The following PTCHD4 variants were observed in gnomAD, a reference collection of about 807,000 sequenced individuals.
PTCHD4 encodes the protein patched domain containing 4.
PTCHD4 carries 33 observed loss-of-function variants against 58.1 expected under a neutral mutation model. The observed-to-expected ratio is 0.57, with a 90% CI of 0.43 to 0.76. PTCHD4 has a LOEUF of 0.76. Ranked by LOEUF, PTCHD4 falls within the 30% of genes least tolerant of loss-of-function variation. The pLI, the probability that PTCHD4 is intolerant of heterozygous loss-of-function variation, is 0.00. For missense variants in PTCHD4, 1,058 were observed against 1,027.1 expected, an observed-to-expected ratio of 1.03 and a Z score of -0.41; for synonymous variants, 478 against 409.6, an observed-to-expected ratio of 1.17 and a Z score of -2.02.
intron 1 of PTCHD4, among the ~76,000 whole-genome samples, chr6:48,100,082 A>G (rs926518586): frequency 6.6e-6 from 1 of 152,210 alleles, no homozygotes; most frequent in Non-Finnish European, 1.5e-5. Context: ...ATCTCATAAA[A>G]TTGAAAACAA....
intron 4 of PTCHD4, among the ~76,000 whole-genome samples, chr6:47,932,890 T>C (rs1351391227): frequency 6.6e-6 from 1 of 152,250 alleles, no homozygotes; most frequent in Admixed American, 6.5e-5. Flanking sequence ...AGTTTTATTA[T>C]GAGGCTAAAT....
In PTCHD4 at chr6:47,860,273, A is replaced by T. The variant is rs370869710; in HGVS notation, c.*18030T>A. Among the ~76,000 whole-genome samples the T allele has an allele frequency of 1.3e-5, 2 of 152,054 alleles. No homozygotes were observed. The highest frequency in any genetic ancestry group is 4.1e-4 in the South Asian group (2 of 4,826). ...ACACATCATACTTTTTCTTCATCCC[A>T]TATAGCACATGATGTTAAACTCAAG... On this transcript the variant is annotated 3_prime_UTR_variant, in exon 5 of 5. Transcript: ENST00000339488.
chr6:47,973,281 A>C (rs1767581352), intron 4 of PTCHD4, among the ~76,000 whole-genome samples: 1 of 152,216 alleles, frequency 6.6e-6, no homozygotes, highest in Non-Finnish European at 1.5e-5. Flanking sequence ...GAAATGCCAA[A>C]ATTTGGTTCA....
At chr6:47,987,966 G>T (rs998436095) in intron 4 of PTCHD4, among the ~76,000 whole-genome samples, 45 of 151,850 alleles carry the variant, frequency 3.0e-4, no homozygotes, top group African/African-American at 1.0e-3. Context: ...TAGTAGAGAT[G>T]GGTTTTCACC....
At chr6:48,095,244 A>C (rs1765440599) in intron 1 of PTCHD4, among the ~76,000 whole-genome samples, 2 of 152,234 alleles carry the variant, frequency 1.3e-5, no homozygotes, top group Non-Finnish European at 2.9e-5. Context: ...AATATGTATA[A>C]ATGAAAATCC....
chr6:48,012,247 C>T lies in PTCHD4; in HGVS notation c.418-3133G>A, dbSNP rs142647631. Among the ~76,000 whole-genome samples, 1,237 of 152,056 alleles carry T rather than the reference C, an allele frequency of 8.1e-3. 25 individuals carry two copies. The highest frequency in any genetic ancestry group is 0.028 in the African/African-American group (1,179 of 41,496). On this transcript the variant is annotated intron_variant, in intron 3 of 4. Coordinates refer to ENST00000339488, the MANE Select transcript of PTCHD4 (RefSeq NM_001384253.1). ...TTGTTTGTGTCCTCTCTTATTTCCTCGAGTGGTGGTTTGTAGTTCTCCTTG... is the reference window on the plus strand; with the variant it reads ...TTGTTTGTGTCCTCTCTTATTTCCTTGAGTGGTGGTTTGTAGTTCTCCTTG...
intron 3 of PTCHD4, among the ~76,000 whole-genome samples, chr6:48,013,435 C>A (rs1230418484): frequency 1.4e-5 from 2 of 141,620 alleles, no homozygotes; most frequent in African/African-American, 2.6e-5. Flanking sequence ...ATTTTCCCAT[C>A]TTTTTCCTTT....
intron 1 of PTCHD4, among the ~76,000 whole-genome samples, chr6:48,076,304 A>C (rs761376694): frequency 3.9e-5 from 6 of 152,222 alleles, no homozygotes; most frequent in Non-Finnish European, 7.3e-5. Flanking sequence ...TGAAGTCTTA[A>C]ATTCCTCAAA....
At chr6:47,969,168 A>T (rs939705711) in intron 4 of PTCHD4, among the ~76,000 whole-genome samples, 7 of 152,214 alleles carry the variant, frequency 4.6e-5, no homozygotes, top group Admixed American at 6.5e-5. Context: ...CAAAATTTTT[A>T]AAAAATGGAG....
chr6:47,995,516 C>T (rs756678884), intron 4 of PTCHD4, among the ~76,000 whole-genome samples: 1 of 152,170 alleles, frequency 6.6e-6, no homozygotes, highest in Non-Finnish European at 1.5e-5. Context: ...GAGATTCTCA[C>T]TCACTTATTT....
At chr6:47,904,497 A>C (rs1186156034) in intron 4 of PTCHD4, among the ~76,000 whole-genome samples, 1 of 152,216 alleles carries the variant, frequency 6.6e-6, no homozygotes, top group Non-Finnish European at 1.5e-5. Flanking sequence ...AGTGGAAAAT[A>C]TTTAGTATCT....
intron 4 of PTCHD4, among the ~76,000 whole-genome samples, chr6:47,896,618 GT>G (rs1252748829): frequency 2.0e-5 from 3 of 152,158 alleles, no homozygotes; most frequent in African/African-American, 4.8e-5. Context: ...AAGCACAGTA[GT>G]TTTTTATTTC....
intron 1 of PTCHD4, among the ~76,000 whole-genome samples, chr6:48,081,910 A>G (rs922646732): frequency 6.6e-6 from 1 of 152,212 alleles, no homozygotes; most frequent in Non-Finnish European, 1.5e-5. Context: ...ATTGCTATCC[A>G]TTATTACAGG....
At chr6:47,917,960 G>A (rs1449381600) in intron 4 of PTCHD4, among the ~76,000 whole-genome samples, 1 of 152,152 alleles carries the variant, frequency 6.6e-6, no homozygotes, top group Non-Finnish European at 1.5e-5. Flanking sequence ...AAGCAGTAGA[G>A]CTTAGAGGTG....
chr6:47,927,339 C>T (rs140062322), intron 4 of PTCHD4, among the ~76,000 whole-genome samples: 329 of 152,304 alleles, frequency 2.2e-3, no homozygotes, highest in African/African-American at 7.6e-3. Context: ...TCAGGTCAAG[C>T]AGTCCCTCCG....
intron 3 of PTCHD4, among the ~76,000 whole-genome samples, chr6:48,054,149 C>T (rs971475017): frequency 6.6e-6 from 1 of 151,976 alleles, no homozygotes; most frequent in African/African-American, 2.4e-5. Flanking sequence ...AAGAGGGGCC[C>T]CAGACATTAC....
At chr6:47,970,866 T>C (rs890025598) in intron 4 of PTCHD4, among the ~76,000 whole-genome samples, 2 of 152,186 alleles carry the variant, frequency 1.3e-5, no homozygotes, top group Admixed American at 6.5e-5. Flanking sequence ...ACTGAAAACA[T>C]CCAAGTGTGG....
chr6:47,895,673 C>T (rs1432306299), intron 4 of PTCHD4, among the ~76,000 whole-genome samples: 2 of 152,126 alleles, frequency 1.3e-5, no homozygotes, highest in African/African-American at 4.8e-5. Flanking sequence ...CCAACAAGTA[C>T]ATAAGTTGCA....
chr6:47,898,890 T>C (rs1581846298), intron 4 of PTCHD4, among the ~76,000 whole-genome samples: 1 of 152,168 alleles, frequency 6.6e-6, no homozygotes, highest in East Asian at 1.9e-4. Flanking sequence ...CCTGCTGGTT[T>C]TGGGGACATT....
Sources: gnomAD v4.1 joint callset for allele counts (sites outside exome capture counted in the v4.1 genomes callset) on GRCh38, gnomAD v4.1.1 for gene constraint, MANE v1.5 for transcripts, NCBI Gene and HGNC (gene_info 2026-07-23, HGNC 2026-07-21) for gene names.